Variants in LHPP observed in about 807,000 individuals in gnomAD.
The protein encoded by LHPP is phospholysine phosphohistidine inorganic pyrophosphate phosphatase.
Under a neutral mutation model 30.3 loss-of-function variants are expected in LHPP, and 24 were observed. That is an observed-to-expected ratio of 0.79 (90% confidence interval 0.57 to 1.11). LHPP has a LOEUF of 1.11. Ranked by LOEUF, LHPP falls within the 50% of genes most tolerant of loss-of-function variation. The pLI is 0.00. For synonymous variants in LHPP, 150 were observed against 157.1 expected (o/e 0.95, Z 0.34); for missense variants, 356 against 367.2 (o/e 0.97, Z 0.25).
intron 6 of LHPP, among the ~76,000 whole-genome samples, chr10:124,532,752 G>T (rs1480224068): frequency 6.6e-6 from 1 of 152,212 alleles, no homozygotes; most frequent in Non-Finnish European, 1.5e-5. Flanking sequence ...CAGGGAAGCT[G>T]CAGACTCACC....
At chr10:124,472,715 G>T (rs12358849) in intron 1 of LHPP, among the ~76,000 whole-genome samples, 2 of 151,770 alleles carry the variant, frequency 1.3e-5, no homozygotes, top group Non-Finnish European at 2.9e-5. Flanking sequence ...CTGCCACCAC[G>T]TCTGGCTAAC....
chr10:124,547,159 G>A (rs1046659203), intron 6 of LHPP, among the ~76,000 whole-genome samples: 38 of 152,276 alleles, frequency 2.5e-4, no homozygotes, highest in African/African-American at 4.3e-4. Flanking sequence ...CTAAGTCACC[G>A]GCAGAAGCAG....
intron 6 of LHPP, among the ~76,000 whole-genome samples, chr10:124,533,779 A>G (rs972330661): frequency 6.6e-6 from 1 of 152,232 alleles, no homozygotes; most frequent in Non-Finnish European, 1.5e-5. Flanking sequence ...GAGATGAACA[A>G]GACCATGTGG....
chr10:124,606,093 G>A lies in LHPP; in HGVS notation c.717-7171G>A, dbSNP rs541992593. On this transcript the variant is annotated intron_variant, in intron 6 of 6. Coordinates refer to ENST00000368842, the MANE Select transcript of LHPP (RefSeq NM_022126.4). ...CACATCAGAAGCAGGTCCTCAGCCA[G>A]AGACGCCCAAATGCAGCCCGAGGGA... Among the ~76,000 whole-genome samples, 298 of 152,314 alleles carry A rather than the reference G, an allele frequency of 2.0e-3. 3 individuals carry two copies. Among genetic ancestry groups the A allele is most frequent in the Middle Eastern group, 6.8e-3 (2 of 294 alleles).
At chr10:124,492,325 C>A (rs931365319) in intron 3 of LHPP, among the ~76,000 whole-genome samples, 6 of 152,160 alleles carry the variant, frequency 3.9e-5, no homozygotes. Flanking sequence ...TAAAATGTGT[C>A]CTGTATGTAG....
At chr10:124,526,963 C>T (rs1441333658) in intron 6 of LHPP, among the ~76,000 whole-genome samples, 2 of 152,218 alleles carry the variant, frequency 1.3e-5, no homozygotes, top group Non-Finnish European at 1.5e-5. Context: ...ACCGTCCTAG[C>T]CAGGCCGGCC....
intron 6 of LHPP, among the ~76,000 whole-genome samples, chr10:124,526,415 C>T (rs1385825600): frequency 6.6e-6 from 1 of 152,180 alleles, no homozygotes; most frequent in African/African-American, 2.4e-5. Context: ...GTAACTTGCC[C>T]AAGGCCACAC....
At chr10:124,608,333 C>T (rs1488279538) in intron 6 of LHPP, among the ~76,000 whole-genome samples, 1 of 143,994 alleles carries the variant, frequency 6.9e-6, no homozygotes, top group Non-Finnish European at 1.6e-5. Flanking sequence ...GCTCTACCTC[C>T]CTGGCCAGCC....
chr10:124,497,902 T>A, intron 4 of LHPP, 134 bp from the exon 5 acceptor site: 1 of 716,242 alleles, frequency 1.4e-6, no homozygotes, highest in Non-Finnish European at 2.4e-6. Context: ...TGAGATGAGT[T>A]CTCAGGCCCA....
intron 6 of LHPP, among the ~76,000 whole-genome samples, chr10:124,531,171 G>A (rs1262807006): frequency 6.6e-6 from 1 of 152,184 alleles, no homozygotes. Context: ...CCCTGGTGAT[G>A]GAATTCCAGA....
chr10:124,470,690 T>C (rs1411611365), intron 1 of LHPP, among the ~76,000 whole-genome samples: 1 of 140,808 alleles, frequency 7.1e-6, no homozygotes, highest in Non-Finnish European at 1.6e-5. Flanking sequence ...ACAATAATAA[T>C]AATGTAGGCT....
intron 6 of LHPP, among the ~76,000 whole-genome samples, chr10:124,530,426 C>T (rs1954866878): frequency 6.6e-6 from 1 of 152,116 alleles, no homozygotes; most frequent in South Asian, 2.1e-4. Flanking sequence ...CCCATACCCA[C>T]ACGATCCCGC....
intron 6 of LHPP, among the ~76,000 whole-genome samples, chr10:124,584,339 G>A (rs950593070): frequency 6.7e-6 from 1 of 150,280 alleles, no homozygotes; most frequent in Non-Finnish European, 1.5e-5. Context: ...ATTCCAGCCT[G>A]GGCAACAGAG....
At position 124,478,437 on chromosome 10, in the gene LHPP, T is replaced by C. The variant is rs1379337236; in HGVS notation, c.126-5702T>C. Among the ~76,000 whole-genome samples the C allele has an allele frequency of 1.3e-5, 2 of 152,084 alleles. No homozygotes were observed. Among genetic ancestry groups the C allele is most frequent in the Non-Finnish European group, 2.9e-5 (2 of 67,988 alleles). On this transcript the variant is annotated intron_variant, in intron 1 of 6. Coordinates refer to ENST00000368842, the MANE Select transcript of LHPP (RefSeq NM_022126.4). The surrounding 1 kb of genome is among the most constrained non-coding windows in gnomAD (Gnocchi z 4.7). ...CTGAGGCCCCCTGCTGCCTGCCCAGTCTCCCCTCCGAGGGATCCCATTCTC... is the reference window on the plus strand; with the variant it reads ...CTGAGGCCCCCTGCTGCCTGCCCAGCCTCCCCTCCGAGGGATCCCATTCTC...
intron 6 of LHPP, among the ~76,000 whole-genome samples, chr10:124,563,444 T>C (rs1242979394): frequency 6.6e-6 from 1 of 152,022 alleles, no homozygotes; most frequent in African/African-American, 2.4e-5. Flanking sequence ...TGATTCCATG[T>C]ATAGAACATC....
intron 6 of LHPP, among the ~76,000 whole-genome samples, chr10:124,561,376 C>T (rs1164733295): frequency 6.6e-6 from 1 of 152,028 alleles, no homozygotes; most frequent in Non-Finnish European, 1.5e-5. Flanking sequence ...GGAATGAGGT[C>T]CCCCAGCTGG....
chr10:124,513,458 A>C, intron 5 of LHPP, among the ~76,000 whole-genome samples: 1 of 88,654 alleles, frequency 1.1e-5, no homozygotes, highest in East Asian at 3.4e-4. Context: ...TAAAATTATT[A>C]TTACTTTTTT....
rs1049050243 is a variant in LHPP at position 124,613,291 on chromosome 10, G to T, written c.744G>T (p.Val248=). Residue 248 remains valine (V), a synonymous_variant, in exon 7 of 7, where the codon GTG becomes GTT. Coordinates refer to ENST00000368842, the MANE Select transcript of LHPP (RefSeq NM_022126.4). The part of the protein sequence containing the change: ...FRPSDEHHPE[V]KADGYVDNLA... ...CCAGTGACGAGCACCATCCGGAAGT[G>T]AAGGCTGATGGGTACGTGGACAACC... 30 of 1,613,432 alleles carry T rather than the reference G, an allele frequency of 1.9e-5. No homozygotes were observed. In the South Asian group the frequency reaches 3.3e-4, roughly 18 times the overall value.
At position 124,569,212 on chromosome 10, in the gene LHPP, C is replaced by T. The variant is rs532458717; in HGVS notation, c.717-44052C>T. On this transcript the variant is annotated intron_variant, in intron 6 of 6. Coordinates refer to ENST00000368842, the MANE Select transcript of LHPP (RefSeq NM_022126.4). ...GAGCTGCTTGTGGCTTGAGGTGGCCCTGAGACTGTGAGACAGGCCACTGGG... is the reference window on the plus strand; with the variant it reads ...GAGCTGCTTGTGGCTTGAGGTGGCCTTGAGACTGTGAGACAGGCCACTGGG... Among the ~76,000 whole-genome samples the T allele has an allele frequency of 1.8e-4, 27 of 152,308 alleles. No individual in the cohort carries two copies. The South Asian group carries it at 5.4e-3, about 30-fold the overall frequency.
Sources: allele counts gnomAD v4.1 joint callset (sites outside exome capture counted in the v4.1 genomes callset), GRCh38; gene constraint gnomAD v4.1.1; non-coding constraint Gnocchi (gnomAD v3.1); transcripts MANE v1.5; gene names NCBI Gene and HGNC (gene_info 2026-07-23, HGNC 2026-07-21).